Variants in KMT2D observed in about 807,000 individuals in gnomAD.
The protein encoded by KMT2D is histone-lysine N-methyltransferase 2D.
In KMT2D, 55 loss-of-function variants were observed where a neutral mutation model predicts 512.7. That is an observed-to-expected ratio of 0.11 (90% CI 0.09 to 0.13). KMT2D has a LOEUF of 0.13. Among genes scored for constraint, KMT2D ranks in the 10% least tolerant of loss-of-function variants. The pLI is 1.00. For missense variants in KMT2D, 6,061 were observed against 7,127.9 expected, an observed-to-expected ratio of 0.85 and a Z score of 5.39; for synonymous variants, 2,995 against 2,904.0, an observed-to-expected ratio of 1.03 and a Z score of -1.01.
Position 49,041,553 on chromosome 12 carries a change from G to A in KMT2D, c.6235-18C>T, listed in dbSNP as rs1943532046. 6.2e-7 allele frequency: 1 copy of A among 1,612,936 alleles called. No individual in the cohort carries two copies. Among genetic ancestry groups the A allele is most frequent in the African/African-American group, 1.3e-5 (1 of 74,876 alleles). On this transcript the variant is annotated intron_variant, in intron 31 of 54. Transcript: ENST00000301067. The surrounding 1 kb of genome is among the most constrained non-coding windows in gnomAD (Gnocchi z 5.4). ...TCAGCCTGCTACAGGGGGAGACCAG[G>A]CATAGGGCAGTCAGGCTGCTGCAGG... is the stretch of plus-strand genomic sequence containing the variant.
Position 49,032,537 on chromosome 12 carries a change from C to T in KMT2D, c.12168G>A (p.Glu4056=). ...GGPLAIGTTP[E]SMATEPGEVK... Reference sequence around the variant, plus strand: ...CCTCTCCTGGTTCAGTGGCCATTGACTCAGGGGTAGTTCCTATTGCTAACG... The same window carrying T: ...CCTCTCCTGGTTCAGTGGCCATTGATTCAGGGGTAGTTCCTATTGCTAACG... Residue 4056 remains glutamate, a synonymous_variant, in exon 40 of 55, where the codon GAG becomes GAA. Coordinates refer to ENST00000301067, the MANE Select transcript of KMT2D (RefSeq NM_003482.4). The T allele has an allele frequency of 6.2e-7, 1 of 1,605,160 alleles. No homozygotes were observed. Among genetic ancestry groups the T allele is most frequent in the East Asian group, 2.2e-5 (1 of 44,552 alleles).
rs1473812215 is a variant in KMT2D at position 49,022,809 on chromosome 12, G to C, written c.16119C>G (p.Asn5373Lys). Residue 5373 changes from asparagine to lysine, a missense_variant, in exon 52 of 55, where the codon AAC becomes AAG. This residue lies in a region of KMT2D where 261 missense variants were observed against 440.7 expected (regional missense o/e 0.59). Transcript: ENST00000301067. This position sits in a 1 kb window ranked among gnomAD's most constrained non-coding sequence, Gnocchi z 8.6. ...GCACAAACTGCTTGCTGTAGGGGGT[G>C]TTGGTCTCGCCTGTGAAGGTGCTCT... Reference protein sequence around the residue: ...AYQSTFTGETNTPYSKQFVHS... With the variant: ...AYQSTFTGETKTPYSKQFVHS... The C allele has an allele frequency of 1.9e-6, 3 of 1,613,780 alleles. No individual in the cohort carries two copies. Among genetic ancestry groups the C allele is most frequent in the East Asian group, 4.5e-5 (2 of 44,888 alleles).
rs1943700389 is a variant in KMT2D at position 49,044,594 on chromosome 12, TGA to T, written c.4964-74_4964-73del. Reference sequence around the variant, plus strand: ...CCTTTTAACCTTGTCATCCTGCCACTGAGAGAGCTGAATACCTTGCCTCAGAG... The same window carrying T: ...CCTTTTAACCTTGTCATCCTGCCACTGAGAGCTGAATACCTTGCCTCAGAG... On this transcript the variant is annotated intron_variant, in intron 20 of 54. Coordinates refer to ENST00000301067, the MANE Select transcript of KMT2D (RefSeq NM_003482.4). This position sits in a 1 kb window ranked among gnomAD's most constrained non-coding sequence, Gnocchi z 6.4. 4 of 1,583,516 alleles carry T rather than the reference TGA, an allele frequency of 2.5e-6. No homozygotes were observed. The highest frequency in any genetic ancestry group is 3.5e-5 in the Admixed American group (2 of 57,066).
intron 14 of KMT2D, 119 bp from the exon 15 acceptor site, chr12:49,048,188 C>CATCCTAACGCTGTG: frequency 1.6e-6 from 1 of 643,874 alleles, no homozygotes; most frequent in Non-Finnish European, 2.7e-6. Context: ...CATCCCACAG[C>CATCCTAACGCTGTG]GTTAGGATGC....
chr12:49,036,681 G>A (rs544430451), intron 35 of KMT2D, among the ~76,000 whole-genome samples: 2 of 152,058 alleles, frequency 1.3e-5, no homozygotes, highest in Admixed American at 1.3e-4. Flanking sequence ...TGTATGTTTA[G>A]TAGAGATGGG....
Position 49,051,305 on chromosome 12 carries a change from T to C in KMT2D, c.2378A>G (p.Glu793Gly), listed in dbSNP as rs2120667644. The C allele has an allele frequency of 6.3e-7, 1 of 1,579,554 alleles. No individual in the cohort carries two copies. Among genetic ancestry groups the C allele is most frequent in the Non-Finnish European group, 8.6e-7 (1 of 1,160,230 alleles). The change falls in exon 11 of 55, where the codon GAG becomes GGG. Residue 793 changes from glutamate to glycine, a missense_variant. Around this residue, in one of 16 missense-constraint regions of KMT2D, gnomAD observed 848 missense variants for 838.5 expected, o/e 1.01. Coordinates refer to ENST00000301067, the MANE Select transcript of KMT2D (RefSeq NM_003482.4). ...PEEPHLSPQAEGPHLSPQPEE... is the reference protein window; with the variant it reads ...PEEPHLSPQAGGPHLSPQPEE... ...AGGCTGAGGGGACAGATGTGGTCCC[T>C]CAGCCTGGGGGGACAAGTGTGGCTC...
At position 49,043,749 on chromosome 12, in the gene KMT2D, T is replaced by C. The variant is rs2120572769; in HGVS notation, c.5353A>G (p.Ser1785Gly). 6.2e-7 allele frequency: 1 copy of C among 1,613,582 alleles called. No homozygotes were observed. Among genetic ancestry groups the C allele is most frequent in the South Asian group, 1.1e-5 (1 of 91,078 alleles). Residue 1785 changes from serine to glycine, a missense_variant, in exon 24 of 55, where the codon AGC becomes GGC. By Grantham distance (56) the Ser-to-Gly change is moderately conservative. Transcript: ENST00000301067. Reference sequence around the variant, plus strand: ...CCAACTGCAAAAAGGGCCTTACGGCTCAGGTCCAGCAGCTCCTTCCCAAAG... The same window carrying C: ...CCAACTGCAAAAAGGGCCTTACGGCCCAGGTCCAGCAGCTCCTTCCCAAAG... ...AFFGKELLDL[S>G]RKALFAVGVG...
rs367766409 is a variant in KMT2D at position 49,051,697 on chromosome 12, C to T, written c.1986G>A (p.Leu662=). The T allele has an allele frequency of 3.2e-5, 50 of 1,573,986 alleles. No homozygotes were observed. The South Asian group carries it at 5.7e-4, about 18-fold the overall frequency. ...RLSPLPVVSR[L]SPPPEESPLS... is the part of the protein sequence containing the mutation. ...AGGGAGATTCCTCAGGCGGTGGAGA[C>T]AGGCGTGACACCACAGGCAGGGGGG... Residue 662 remains leucine (L), a synonymous_variant, in exon 11 of 55, where the codon CTG becomes CTA. Transcript: ENST00000301067.
Position 49,033,248 on chromosome 12 carries a change from G to A in KMT2D, c.11457C>T (p.Gly3819=), listed in dbSNP as rs2120441172. The change falls in exon 40 of 55, where the codon GGC becomes GGT. Residue 3819 remains glycine, a synonymous_variant. Transcript: ENST00000301067. ...GCACCTGTCTGTGAGGGCCCTGGGG[G>A]CCCAAAGCTCCAGGGTGCTGCTGCT... ...VLQQQHPGAL[G]PQGPHRQVLM... The A allele has an allele frequency of 6.4e-7, 1 of 1,555,116 alleles. No homozygotes were observed. The highest frequency in any genetic ancestry group is 8.7e-7 in the Non-Finnish European group (1 of 1,149,014).
In KMT2D at chr12:49,039,344, A is replaced by C; in HGVS notation, c.8244T>G (p.Leu2748=). 6.2e-7 allele frequency: 1 copy of C among 1,613,204 alleles called. No individual in the cohort carries two copies. The highest frequency in any genetic ancestry group is 1.3e-5 in the African/African-American group (1 of 75,020). ...TCAGCTTGCTTGGGGGCAACCCCAC[A>C]AGGCTGCTCTTGTCCTAGAAGAGAC... is the stretch of plus-strand genomic sequence containing the variant. ...PFAGTQDKSS[L]VGLPPSKLSG... is the part of the protein sequence containing the mutation. The change falls in exon 34 of 55, where the codon CTT becomes CTG. Residue 2748 remains leucine (L), a synonymous_variant. Transcript: ENST00000301067. The surrounding 1 kb of genome is among the most constrained non-coding windows in gnomAD (Gnocchi z 5.0).
Position 49,026,975 on chromosome 12 carries a change from C to A in KMT2D, c.14991G>T (p.Gln4997His), listed in dbSNP as rs774443846. The A allele has an allele frequency of 6.2e-7, 1 of 1,614,050 alleles. No homozygotes were observed. ...CATCCTCCTGCCGCCCACTGCCCTTCTGGATGGTCAGCAGCAGCCGAAGCC... is the reference window on the plus strand; with the variant it reads ...CATCCTCCTGCCGCCCACTGCCCTTATGGATGGTCAGCAGCAGCCGAAGCC... The part of the protein sequence containing the change: ...WKRLRLLLTI[Q>H]KGSGRQEDER... The change falls in exon 49 of 55, where the codon CAG becomes CAT. Residue 4997 changes from glutamine to histidine, a missense_variant. Physicochemically the swap from Gln to His is conservative, Grantham distance 24. Transcript: ENST00000301067. The surrounding 1 kb of genome is among the most constrained non-coding windows in gnomAD (Gnocchi z 9.6).
In KMT2D at chr12:49,026,250, G is replaced by A. The variant is rs374725382; in HGVS notation, c.15716C>T (p.Pro5239Leu). 11 of 1,603,958 alleles carry A rather than the reference G, an allele frequency of 6.9e-6. No individual in the cohort carries two copies. The highest frequency in any genetic ancestry group is 8.5e-6 in the Non-Finnish European group (10 of 1,171,574). Residue 5239 changes from proline to leucine, a missense_variant, in exon 49 of 55, where the codon CCG becomes CTG. Pro to Leu is a moderately conservative substitution (Grantham distance 98). This residue lies in a region of KMT2D where 261 missense variants were observed against 440.7 expected (regional missense o/e 0.59). Coordinates refer to ENST00000301067, the MANE Select transcript of KMT2D (RefSeq NM_003482.4). The surrounding 1 kb of genome is among the most constrained non-coding windows in gnomAD (Gnocchi z 9.6). ...RCSIGENNGR[P>L]EFVIKVIEQG... The stretch of plus-strand genomic sequence containing the variant: ...CTCGATGACTTTGATTACAAACTCC[G>A]GCCGCCCGTTGTTCTCACCAATAGA...
chr12:49,042,040 C>T lies in KMT2D; in HGVS notation c.6109+49G>A, dbSNP rs757517103. On this transcript the variant is annotated intron_variant, in intron 29 of 54. Coordinates refer to ENST00000301067, the MANE Select transcript of KMT2D (RefSeq NM_003482.4). This position sits in a 1 kb window ranked among gnomAD's most constrained non-coding sequence, Gnocchi z 4.4. ...GAGAAGACTTGGCAGGCGACTCCTCCACCTGCCATGTTGCCAGGCTGTCTC... is the reference window on the plus strand; with the variant it reads ...GAGAAGACTTGGCAGGCGACTCCTCTACCTGCCATGTTGCCAGGCTGTCTC... 12 of 1,612,130 alleles carry T rather than the reference C, an allele frequency of 7.4e-6. No individual in the cohort carries two copies. In the South Asian group the frequency reaches 1.1e-4, roughly 15 times the overall value.
At chr12:49,053,709 C>G in intron 6 of KMT2D, 68 bp from the exon 7 acceptor site, 1 of 1,482,310 alleles carries the variant, frequency 6.7e-7, no homozygotes, top group Non-Finnish European at 9.1e-7. Context: ...TTGCTGTACA[C>G]AAAACAGGCA....
intron 40 of KMT2D, 57 bp downstream of exon 40, chr12:49,031,117 TG>T: frequency 6.2e-7 from 1 of 1,610,090 alleles, no homozygotes; most frequent in Non-Finnish European, 8.5e-7. Flanking sequence ...TCACTCATTC[TG>T]CCCCCCGCTG....
intron 1 of KMT2D, among the ~76,000 whole-genome samples, chr12:49,056,516 G>A (rs1389552112): frequency 1.3e-5 from 2 of 152,222 alleles, no homozygotes; most frequent in African/African-American, 4.8e-5. Context: ...TAGAAGGAGG[G>A]AGAAAGTGGT....
In KMT2D at chr12:49,040,869, G is replaced by A. The variant is rs200681496; in HGVS notation, c.6901C>T (p.Pro2301Ser). The A allele has an allele frequency of 7.3e-5, 117 of 1,613,786 alleles. No homozygotes were observed. The highest frequency in any genetic ancestry group is 5.6e-4 in the African/African-American group (42 of 75,040). The change falls in exon 32 of 55, where the codon CCC becomes TCC. Residue 2301 changes from proline (P) to serine (S), a missense_variant. This residue lies in a region of KMT2D where 710 missense variants were observed against 647.3 expected (regional missense o/e 1.10). Transcript: ENST00000301067. ...ELGASSPSYGPPNLGFVDSPS... is the reference protein window; with the variant it reads ...ELGASSPSYGSPNLGFVDSPS... ...GAGTCAACAAAGCCCAGGTTTGGGG[G>A]CCCATAGCTAGGAGAGGATGCCCCA...
intron 1 of KMT2D, 93 bp downstream of exon 1, chr12:49,059,520 C>T (rs896142757): frequency 1.3e-5 from 2 of 152,740 alleles, no homozygotes; most frequent in African/African-American, 2.4e-5. Flanking sequence ...ACCCCCTTCT[C>T]CAACCTAAAG....
rs1159196400 is a variant in KMT2D at position 49,040,866 on chromosome 12, G to A, written c.6904C>T (p.Pro2302Ser). The A allele has an allele frequency of 1.2e-6, 2 of 1,613,802 alleles. No individual in the cohort carries two copies. Reference protein sequence around the residue: ...LGASSPSYGPPNLGFVDSPSS... With the variant: ...LGASSPSYGPSNLGFVDSPSS... ...GGTGAGTCAACAAAGCCCAGGTTTG[G>A]GGGCCCATAGCTAGGAGAGGATGCC... Residue 2302 changes from proline to serine, a missense_variant, in exon 32 of 55, where the codon CCA becomes TCA. Physicochemically the swap from Pro to Ser is moderately conservative, Grantham distance 74. Around this residue, in one of 16 missense-constraint regions of KMT2D, gnomAD observed 710 missense variants for 647.3 expected, o/e 1.10. Coordinates refer to ENST00000301067, the MANE Select transcript of KMT2D (RefSeq NM_003482.4).
Sources: allele counts gnomAD v4.1 joint callset (sites outside exome capture counted in the v4.1 genomes callset), GRCh38; gene constraint gnomAD v4.1.1; regional missense constraint gnomAD v4.1.1; non-coding constraint Gnocchi (gnomAD v3.1); transcripts MANE v1.5; gene names NCBI Gene and HGNC (gene_info 2026-07-23, HGNC 2026-07-21).